The following MYO10 variants were observed in gnomAD, a reference collection of about 807,000 sequenced individuals.
MYO10 encodes the protein myosin X.
MYO10 carries 133 observed loss-of-function variants against 257.3 expected under a neutral mutation model. The ratio of observed to expected loss-of-function variants is 0.52; its 90% CI spans 0.45 to 0.60. MYO10 has a LOEUF of 0.60. Among genes scored for constraint, MYO10 ranks in the 20% least tolerant of loss-of-function variants. The pLI is 0.00. For synonymous variants in MYO10, 1,104 were observed against 1,028.6 expected (o/e 1.07, Z -1.40); for missense variants, 2,399 against 2,635.7 (o/e 0.91, Z 1.97).
At chr5:16,697,429 C>T (rs546276733) in intron 26 of MYO10, among the ~76,000 whole-genome samples, 119 of 152,270 alleles carry the variant, frequency 7.8e-4, no homozygotes, top group Admixed American at 1.6e-3. Flanking sequence ...TGGCTGGGCG[C>T]GGTGGCTCAC....
intron 3 of MYO10, among the ~76,000 whole-genome samples, chr5:16,800,154 T>C (rs1314058162): frequency 1.3e-5 from 2 of 152,164 alleles, no homozygotes; most frequent in African/African-American, 2.4e-5. Context: ...TACAATAATA[T>C]TGATCTTTGT....
At chr5:16,842,798 G>C (rs1561013599) in intron 2 of MYO10, among the ~76,000 whole-genome samples, 1 of 151,896 alleles carries the variant, frequency 6.6e-6, no homozygotes, top group African/African-American at 2.4e-5. Context: ...GGGAGGCTGA[G>C]ATGGGTAGAT....
Position 16,701,317 on chromosome 5 carries a change from G to A in MYO10, c.3078C>T (p.Ser1026=), listed in dbSNP as rs149302230. Residue 1026 remains serine, a synonymous_variant, in exon 25 of 41, where the codon AGC becomes AGT. Transcript: ENST00000513610. This position sits in a 1 kb window ranked among gnomAD's most constrained non-coding sequence, Gnocchi z 8.1. ...SDQRTSGIRT[S]DDSSEEDPYM... ...ATGGGTCCTCCTCTGAAGAGTCATC[G>A]CTGGTCCGGATGCCACTTGTTCGCT... 8.4e-5 allele frequency: 135 copies of A among 1,613,804 alleles called. No individual in the cohort carries two copies. The East Asian group carries it at 2.9e-3, about 35-fold the overall frequency.
At chr5:16,827,941 G>C (rs932159731) in intron 2 of MYO10, among the ~76,000 whole-genome samples, 3 of 152,138 alleles carry the variant, frequency 2.0e-5, no homozygotes, top group Admixed American at 6.5e-5. Context: ...ACACAGCACA[G>C]GGAGAGTTCA....
chr5:16,783,034 C>A (rs1741468497), intron 5 of MYO10, among the ~76,000 whole-genome samples: 1 of 152,218 alleles, frequency 6.6e-6, no homozygotes, highest in Non-Finnish European at 1.5e-5. Context: ...AGTGCCTTAT[C>A]TGATGCAGGT....
chr5:16,834,525 T>C (rs1265632381), intron 2 of MYO10, among the ~76,000 whole-genome samples: 1 of 152,172 alleles, frequency 6.6e-6, no homozygotes. Context: ...ATCAAATTCC[T>C]GGAACTAATG....
chr5:16,703,299 A>C, intron 22 of MYO10, 141 bp from the exon 23 acceptor site: 1 of 642,020 alleles, frequency 1.6e-6, no homozygotes, highest in Non-Finnish European at 2.6e-6. Flanking sequence ...GGAGAGAACA[A>C]GGAGGCCCCT....
intron 4 of MYO10, among the ~76,000 whole-genome samples, chr5:16,791,871 A>G (rs1318785990): frequency 6.6e-6 from 1 of 152,212 alleles, no homozygotes; most frequent in Non-Finnish European, 1.5e-5. Flanking sequence ...TTCTAGTCAC[A>G]GATTAAATTG....
intron 1 of MYO10, among the ~76,000 whole-genome samples, chr5:16,927,273 C>T (rs1483098890): frequency 6.6e-6 from 1 of 152,080 alleles, no homozygotes; most frequent in Non-Finnish European, 1.5e-5. Context: ...AGAGCCACAC[C>T]ATGGGAGCTT....
intron 2 of MYO10, among the ~76,000 whole-genome samples, chr5:16,873,928 G>T (rs376172422): frequency 6.6e-6 from 1 of 152,150 alleles, no homozygotes; most frequent in East Asian, 1.9e-4. Flanking sequence ...AGGGGCTGCC[G>T]TGAAGGTCTC....
chr5:16,848,600 G>A (rs1268107657), intron 2 of MYO10, among the ~76,000 whole-genome samples: 1 of 152,062 alleles, frequency 6.6e-6, no homozygotes, highest in Non-Finnish European at 1.5e-5. Flanking sequence ...TGGGGTTTGT[G>A]TTCCCTCCAA....
At chr5:16,729,023 T>C (rs903478130) in intron 19 of MYO10, among the ~76,000 whole-genome samples, 4 of 152,196 alleles carry the variant, frequency 2.6e-5, no homozygotes, top group African/African-American at 9.7e-5. Flanking sequence ...GTTGCCGATT[T>C]TTACTGTATT....
At chr5:16,824,456 G>T (rs1742942210) in intron 2 of MYO10, among the ~76,000 whole-genome samples, 1 of 152,140 alleles carries the variant, frequency 6.6e-6, no homozygotes, top group Admixed American at 6.5e-5. Flanking sequence ...TACCCAAAAT[G>T]ACAATAGTAC....
intron 1 of MYO10, among the ~76,000 whole-genome samples, chr5:16,878,530 G>C (rs538419326): frequency 6.6e-6 from 1 of 152,176 alleles, no homozygotes; most frequent in South Asian, 2.1e-4. Context: ...CTTTTTCAAG[G>C]CTCAATTTCA....
At chr5:16,727,628 T>C (rs1211219776) in intron 19 of MYO10, among the ~76,000 whole-genome samples, 3 of 152,322 alleles carry the variant, frequency 2.0e-5, no homozygotes, top group East Asian at 1.9e-4. Context: ...ATCAAGACAA[T>C]GATTCTCAAA....
chr5:16,808,346 A>G (rs1161749446), intron 3 of MYO10, among the ~76,000 whole-genome samples: 1 of 152,096 alleles, frequency 6.6e-6, no homozygotes, highest in Non-Finnish European at 1.5e-5. Context: ...GGTGGCACGC[A>G]CCCATAGTCG....
chr5:16,920,767 A>G (rs1745957995), intron 1 of MYO10, among the ~76,000 whole-genome samples: 1 of 152,238 alleles, frequency 6.6e-6, no homozygotes, highest in African/African-American at 2.4e-5. Flanking sequence ...AGGTACACAG[A>G]AAGGGCCTCT....
intron 19 of MYO10, among the ~76,000 whole-genome samples, chr5:16,723,418 T>G (rs1006723728): frequency 2.0e-5 from 3 of 151,882 alleles, no homozygotes; most frequent in African/African-American, 7.3e-5. Context: ...AAAACGATAA[T>G]GAAGTACCAC....
intron 1 of MYO10, among the ~76,000 whole-genome samples, chr5:16,933,760 CTATT>C (rs1746359926): frequency 6.6e-6 from 1 of 152,222 alleles, no homozygotes; most frequent in Non-Finnish European, 1.5e-5. Context: ...TAATACCTCA[CTATT>C]TAACCTCTCT....
Sources: gnomAD v4.1 joint callset for allele counts (sites outside exome capture counted in the v4.1 genomes callset) on GRCh38, gnomAD v4.1.1 for gene constraint, Gnocchi (gnomAD v3.1) non-coding constraint, MANE v1.5 for transcripts, NCBI Gene and HGNC (gene_info 2026-07-23, HGNC 2026-07-21) for gene names.